CHD4: variants seen among roughly 807,000 people sequenced by gnomAD.
The protein encoded by CHD4 is chromodomain helicase DNA binding protein 4.
In CHD4, 35 loss-of-function variants were observed where a neutral mutation model predicts 235.5. The ratio of observed to expected loss-of-function variants is 0.15; its 90% CI spans 0.11 to 0.20. CHD4 has a LOEUF of 0.20. CHD4 is among the 10% of genes least tolerant of loss of function. CHD4 has a pLI of 1.00. For synonymous variants in CHD4, 900 were observed against 850.2 expected, an observed-to-expected ratio of 1.06 and a Z score of -1.02; for missense variants, 1,329 against 2,432.3, an observed-to-expected ratio of 0.55 and a Z score of 9.54.
At chr12:6,596,213 C>A in intron 12 of CHD4, 76 bp from the exon 13 acceptor site, 2 of 1,576,402 alleles carry the variant, frequency 1.3e-6, no homozygotes, top group Non-Finnish European at 1.7e-6. Flanking sequence ...ACTGGCAATA[C>A]CGTTTGTTTC....
chr12:6,600,896 C>T (rs1242481371), intron 7 of CHD4, 30 bp downstream of exon 7: 2 of 1,542,652 alleles, frequency 1.3e-6, no homozygotes, highest in Non-Finnish European at 1.7e-6. Context: ...GACATGGCAC[C>T]CTCCCTAAAG....
In CHD4 at chr12:6,587,511, T is replaced by C; in HGVS notation, c.3752A>G (p.Asp1251Gly). 6.2e-7 allele frequency: 1 copy of C among 1,614,202 alleles called. No homozygotes were observed. The highest frequency in any genetic ancestry group is 8.5e-7 in the Non-Finnish European group (1 of 1,180,050). ...GTCTAGCAGCCGTTCAATGGCCTTATCATCGTAGTGGATAACACTGCTATC... is the reference window on the plus strand; with the variant it reads ...GTCTAGCAGCCGTTCAATGGCCTTACCATCGTAGTGGATAACACTGCTATC... ...GEDSSVIHYD[D>G]KAIERLLDRN... Residue 1251 changes from aspartate (D) to glycine (G), a missense_variant, in exon 25 of 40, where the codon GAT (aspartate) becomes GGT (glycine). By Grantham distance (94) the Asp-to-Gly change is moderately conservative. Transcript: ENST00000544040.
At chr12:6,579,595 AAAAAAAACAACAAC>A (rs1434459612) in intron 33 of CHD4, 2 of 151,436 alleles carry the variant, frequency 1.3e-5, no homozygotes, top group Non-Finnish European at 2.9e-5. Flanking sequence ...TCTCAAAAAA[AAAAAAAACAACAAC>A]AAAAAAAACA....
intron 37 of CHD4, 106 bp from the exon 38 acceptor site, chr12:6,573,375 C>T: frequency 2.1e-6 from 2 of 949,726 alleles, no homozygotes; most frequent in Non-Finnish European, 2.9e-6. Flanking sequence ...GTAATAAGAA[C>T]CTATGAAGAA....
Position 6,581,329 on chromosome 12 carries a change from T to G in CHD4, c.4741A>C (p.Lys1581Gln). 6.2e-7 allele frequency: 1 copy of G among 1,614,222 alleles called. No homozygotes were observed. The highest frequency in any genetic ancestry group is 8.5e-7 in the Non-Finnish European group (1 of 1,180,034). Reference sequence around the variant, plus strand: ...TCAGGGGCTGTAGATTTAACCTCCTTTTCTCCTTCTATGCTCTCTTCTTCT... The same window carrying G: ...TCAGGGGCTGTAGATTTAACCTCCTGTTCTCCTTCTATGCTCTCTTCTTCT... Reference protein sequence around the residue: ...LKEEESIEGEKEVKSTAPETA... With the variant: ...LKEEESIEGEQEVKSTAPETA... The change falls in exon 32 of 40, where the codon AAG becomes CAG. Residue 1581 changes from lysine to glutamine, a missense_variant. Physicochemically the swap from Lys to Gln is moderately conservative, Grantham distance 53. Transcript: ENST00000544040.
chr12:6,602,596 T>A, intron 2 of CHD4, 99 bp from the exon 3 acceptor site: 1 of 1,439,884 alleles, frequency 6.9e-7, no homozygotes, highest in Non-Finnish European at 9.5e-7. Context: ...CCACCTCTTG[T>A]CCCAGATTCC....
intron 2 of CHD4, chr12:6,603,146 G>C (rs544871405): frequency 6.6e-6 from 1 of 152,470 alleles, no homozygotes; most frequent in African/African-American, 2.4e-5. Flanking sequence ...TCTCCCTAGG[G>C]GCCCGAATCA....
intron 37 of CHD4, among the ~76,000 whole-genome samples, chr12:6,577,333 A>G (rs899817451): frequency 1.3e-5 from 2 of 151,692 alleles, no homozygotes; most frequent in Admixed American, 1.3e-4. Flanking sequence ...GAGGCGGGAG[A>G]ATCACTTAAA....
At chr12:6,592,849 A>G (rs1284278826) in intron 17 of CHD4, 32 bp from the exon 18 acceptor site, 1 of 1,598,124 alleles carries the variant, frequency 6.3e-7, no homozygotes. Flanking sequence ...GGTGAAATCC[A>G]ATGAAAACAG....
rs566170562 is a variant in CHD4, at chr12:6,602,167, G to A, written c.231C>T (p.Leu77=). The A allele has an allele frequency of 1.5e-4, 249 of 1,613,808 alleles. No homozygotes were observed. The highest frequency in any genetic ancestry group is 2.0e-4 in the Non-Finnish European group (235 of 1,179,988). The part of the protein sequence containing the change: ...KSKRQKKERM[L]LCRQLGDSSG... ...AGCTGTCCCCCAGCTGCCGGCATAA[G>A]AGCATACGCTGGAGCAGGGCAAGGG... The change falls in exon 4 of 40, where the codon CTC becomes CTT. Residue 77 remains leucine, a synonymous_variant. Coordinates refer to ENST00000544040, the MANE Select transcript of CHD4 (RefSeq NM_001273.5).
intron 21 of CHD4, 23 bp downstream of exon 21, chr12:6,591,670 TA>T (rs757749902): frequency 1.1e-5 from 17 of 1,614,196 alleles, no homozygotes; most frequent in Non-Finnish European, 1.2e-5. Context: ...GACTGTTCCC[TA>T]AAGCTCCCAG....
chr12:6,573,628 T>C (rs1162830824), intron 37 of CHD4, among the ~76,000 whole-genome samples: 1 of 152,240 alleles, frequency 6.6e-6, no homozygotes, highest in Non-Finnish European at 1.5e-5. Context: ...GTTTTTTACA[T>C]AACTGAGATC....
chr12:6,577,030 G>A (rs573487283), intron 37 of CHD4, among the ~76,000 whole-genome samples: 148 of 151,632 alleles, frequency 9.8e-4, no homozygotes, highest in Non-Finnish European at 1.9e-3. Flanking sequence ...TCTACCTCCC[G>A]ACTTCAAGCG....
chr12:6,585,672 C>T (rs2136206479), intron 25 of CHD4, among the ~76,000 whole-genome samples: 1 of 151,274 alleles, frequency 6.6e-6, no homozygotes, highest in East Asian at 2.0e-4. Context: ...GCCTGTAGTC[C>T]CAGCTATTCG....
intron 25 of CHD4, chr12:6,584,038 G>A (rs370426958): frequency 1.2e-4 from 19 of 152,128 alleles, no homozygotes; most frequent in East Asian, 5.8e-4. Flanking sequence ...AATTACAATC[G>A]GCCCTCTGTA....
chr12:6,601,814 A>G (rs1365288583), intron 4 of CHD4, 48 bp from the exon 5 acceptor site: 4 of 1,579,312 alleles, frequency 2.5e-6, no homozygotes, highest in South Asian at 2.2e-5. Context: ...TAGTGCCCAC[A>G]CTTGCTAAGC....
chr12:6,606,392 AG>A lies in CHD4; in HGVS notation c.-20del. On this transcript the variant is annotated 5_prime_UTR_variant, in exon 2 of 40. Transcript: ENST00000544040. ...ACGCCATCCCCTTCCGCTCCCGGCC[AG>A]GGAATTGGCCCAGCTGCTCCTGCCG... The A allele has an allele frequency of 6.4e-7, 1 of 1,555,700 alleles. No individual in the cohort carries two copies. Among genetic ancestry groups the A allele is most frequent in the Non-Finnish European group, 8.7e-7 (1 of 1,150,276 alleles).
chr12:6,576,869 A>C (rs945727320), intron 37 of CHD4, among the ~76,000 whole-genome samples: 1 of 152,090 alleles, frequency 6.6e-6, no homozygotes, highest in Non-Finnish European at 1.5e-5. Context: ...TGCTTAGTAC[A>C]TAATACCTGA....
At chr12:6,604,714 C>G (rs1948660065) in intron 2 of CHD4, among the ~76,000 whole-genome samples, 1 of 152,080 alleles carries the variant, frequency 6.6e-6, no homozygotes, top group South Asian at 2.1e-4. Context: ...AAATGGCAAA[C>G]CGCAAACTTA....
Sources: allele counts gnomAD v4.1 joint callset (sites outside exome capture counted in the v4.1 genomes callset), GRCh38; gene constraint gnomAD v4.1.1; transcripts MANE v1.5; gene names NCBI Gene and HGNC (gene_info 2026-07-23, HGNC 2026-07-21).